The following ADAMTS3 variants were observed in gnomAD, a reference collection of about 807,000 sequenced individuals.
ADAMTS3 encodes ADAM metallopeptidase with thrombospondin type 1 motif 3.
A neutral mutation model predicts 129.0 loss-of-function variants in ADAMTS3; 73 were observed. The observed-to-expected ratio is 0.57, with a 90% CI of 0.47 to 0.69. The LOEUF is 0.69. Ranked by LOEUF, ADAMTS3 falls within the 30% of genes least tolerant of loss-of-function variation. The pLI, the probability that ADAMTS3 is intolerant of heterozygous loss-of-function variation, is 0.00. For synonymous variants in ADAMTS3, 477 were observed against 510.8 expected, an observed-to-expected ratio of 0.93 and a Z score of 0.89; for missense variants, 1,457 against 1,514.5, an observed-to-expected ratio of 0.96 and a Z score of 0.63.
chr4:72,552,558 T>C (rs1245417286), intron 2 of ADAMTS3, among the ~76,000 whole-genome samples: 1 of 152,172 alleles, frequency 6.6e-6, no homozygotes, highest in East Asian at 1.9e-4. Flanking sequence ...GCTCTTCCCC[T>C]TAATGGATTA....
chr4:72,343,787 G>A (rs999601618), intron 4 of ADAMTS3, among the ~76,000 whole-genome samples: 1 of 152,144 alleles, frequency 6.6e-6, no homozygotes, highest in Admixed American at 6.6e-5. Context: ...AAAAGGTAGA[G>A]CAGTGTTATT....
At chr4:72,333,510 C>T (rs1004507278) in intron 5 of ADAMTS3, among the ~76,000 whole-genome samples, 6 of 152,128 alleles carry the variant, frequency 3.9e-5, no homozygotes, top group Non-Finnish European at 7.3e-5. Context: ...GACATTTATA[C>T]CCACTTTCCA....
At chr4:72,315,740 G>C in intron 11 of ADAMTS3, 118 bp downstream of exon 11, 1 of 630,122 alleles carries the variant, frequency 1.6e-6, no homozygotes, top group South Asian at 2.3e-5. Context: ...ATAAAGCCTT[G>C]CATACTATGG....
At chr4:72,515,235 T>C (rs1266097096) in intron 3 of ADAMTS3, among the ~76,000 whole-genome samples, 1 of 152,090 alleles carries the variant, frequency 6.6e-6, no homozygotes, top group Non-Finnish European at 1.5e-5. Flanking sequence ...CACTCTATCA[T>C]TGTTGGACAT....
chr4:72,445,020 A>T (rs1231785760), intron 3 of ADAMTS3, among the ~76,000 whole-genome samples: 1 of 151,668 alleles, frequency 6.6e-6, no homozygotes, highest in African/African-American at 2.4e-5. Context: ...AAAATAGATC[A>T]GTGGTTTCTG....
intron 4 of ADAMTS3, among the ~76,000 whole-genome samples, chr4:72,376,171 T>G (rs73824579): frequency 0.076 from 11,571 of 152,222 alleles, 1,496 homozygotes; most frequent in African/African-American, 0.27. Context: ...GTGTGTTTGG[T>G]CTGCTATAAT....
chr4:72,541,522 G>A (rs1373667089), intron 3 of ADAMTS3, among the ~76,000 whole-genome samples: 1 of 152,224 alleles, frequency 6.6e-6, no homozygotes, highest in African/African-American at 2.4e-5. Context: ...AGATTTGGCG[G>A]AGGCCAGGGT....
At chr4:72,541,919 ACT>A (rs972585910) in intron 3 of ADAMTS3, among the ~76,000 whole-genome samples, 3 of 152,142 alleles carry the variant, frequency 2.0e-5, no homozygotes, top group Non-Finnish European at 2.9e-5. Flanking sequence ...AATGTTATTT[ACT>A]CTGTGTATGT....
At chr4:72,530,964 A>G (rs1721026954) in intron 3 of ADAMTS3, among the ~76,000 whole-genome samples, 1 of 149,476 alleles carries the variant, frequency 6.7e-6, no homozygotes, top group Non-Finnish European at 1.5e-5. Flanking sequence ...TAAAAGTCAT[A>G]GTAAAATGTT....
chr4:72,565,784 T>C (rs575727878), intron 2 of ADAMTS3, among the ~76,000 whole-genome samples: 1 of 152,336 alleles, frequency 6.6e-6, no homozygotes, highest in African/African-American at 2.4e-5. Context: ...AGGGCTACCA[T>C]AGTAATTTAC....
chr4:72,373,484 A>G (rs1721063990), intron 4 of ADAMTS3, among the ~76,000 whole-genome samples: 1 of 152,262 alleles, frequency 6.6e-6, no homozygotes, highest in Non-Finnish European at 1.5e-5. Context: ...ACACACAGGA[A>G]TAAATTTTAC....
At chr4:72,306,161 T>C in intron 15 of ADAMTS3, 94 bp from the exon 16 acceptor site, 16 of 804,426 alleles carry the variant, frequency 2.0e-5, no homozygotes, top group Non-Finnish European at 2.9e-5. Flanking sequence ...TGCTTCTGCG[T>C]GCAGAAGAGG....
In ADAMTS3 at chr4:72,358,613, CA is replaced by C. The variant is rs1720642746; in HGVS notation, c.662-18921del. Among the ~76,000 whole-genome samples, 3 of 152,084 alleles carry C rather than the reference CA, an allele frequency of 2.0e-5. No homozygotes were observed. The South Asian group carries it at 6.2e-4, about 31-fold the overall frequency. On this transcript the variant is annotated intron_variant, in intron 4 of 21. Transcript: ENST00000286657. ...ATAAACTATATATATTCCTATCCTT[CA>C]AAAACATTATAAATCTTTTATCTGC...
chr4:72,309,031 T>A (rs1271634693), intron 15 of ADAMTS3, among the ~76,000 whole-genome samples: 1 of 151,992 alleles, frequency 6.6e-6, no homozygotes, highest in African/African-American at 2.4e-5. Context: ...AAACTCCTGA[T>A]CAATAATTTA....
At chr4:72,313,942 T>G in intron 11 of ADAMTS3, 120 bp from the exon 12 acceptor site, 1 of 1,145,904 alleles carries the variant, frequency 8.7e-7, no homozygotes. Flanking sequence ...CAGGTGGAGA[T>G]GCATTTAAAA....
intron 20 of ADAMTS3, among the ~76,000 whole-genome samples, chr4:72,289,953 G>T (rs1718613880): frequency 6.6e-6 from 1 of 152,106 alleles, no homozygotes; most frequent in Non-Finnish European, 1.5e-5. Context: ...AAGACAACTT[G>T]CTTGTTTCTT....
chr4:72,342,949 G>T (rs1381869805), intron 4 of ADAMTS3, among the ~76,000 whole-genome samples: 1 of 152,154 alleles, frequency 6.6e-6, no homozygotes, highest in Non-Finnish European at 1.5e-5. Context: ...AGTGGGTTTA[G>T]GAACAGAGGT....
At chr4:72,507,820 C>T (rs1720203154) in intron 3 of ADAMTS3, among the ~76,000 whole-genome samples, 1 of 152,178 alleles carries the variant, frequency 6.6e-6, no homozygotes, top group Non-Finnish European at 1.5e-5. Context: ...GGCTATCTGT[C>T]TATTTTCTAA....
intron 4 of ADAMTS3, among the ~76,000 whole-genome samples, chr4:72,409,260 A>G (rs938411364): frequency 3.9e-5 from 6 of 152,134 alleles, no homozygotes; most frequent in African/African-American, 1.2e-4. Flanking sequence ...GAGCAATTAC[A>G]TTTTAAATAC....
Sources: allele counts gnomAD v4.1 joint callset (sites outside exome capture counted in the v4.1 genomes callset), GRCh38; gene constraint gnomAD v4.1.1; transcripts MANE v1.5; gene names NCBI Gene and HGNC (gene_info 2026-07-23, HGNC 2026-07-21).